PWWP2A: variants seen among roughly 807,000 people sequenced by gnomAD.
PWWP2A encodes the protein PWWP domain-containing protein 2A.
Under a neutral mutation model 48.5 loss-of-function variants are expected in PWWP2A, and 18 were observed. That is an observed-to-expected ratio of 0.37 (90% CI 0.26 to 0.55). The LOEUF (loss-of-function observed/expected upper bound fraction) is 0.55. Ranked by LOEUF, PWWP2A falls within the 20% of genes least tolerant of loss-of-function variation. The pLI, the probability that PWWP2A is intolerant of heterozygous loss-of-function variation, is 0.81. For missense variants in PWWP2A, 867 were observed against 976.4 expected (o/e 0.89, Z 1.49); for synonymous variants, 396 against 387.7 (o/e 1.02, Z -0.25).
intron 3 of PWWP2A, among the ~76,000 whole-genome samples, chr5:160,080,488 A>G (rs1183694267): frequency 6.6e-6 from 1 of 152,212 alleles, no homozygotes; most frequent in African/African-American, 2.4e-5. Flanking sequence ...TTCATTCATT[A>G]AAACTATCAC....
At position 160,078,676 on chromosome 5, in the gene PWWP2A, T is replaced by A. The variant is rs183176485; in HGVS notation, c.1670-508A>T. Among the ~76,000 whole-genome samples the A allele has an allele frequency of 6.6e-6, 1 of 152,256 alleles. No homozygotes were observed. Among genetic ancestry groups the A allele is most frequent in the East Asian group, 1.9e-4 (1 of 5,182 alleles). On this transcript the variant is annotated intron_variant, in intron 3 of 3. Transcript: ENST00000456329. The surrounding 1 kb of genome is among the most constrained non-coding windows in gnomAD (Gnocchi z 4.2). ...TCAGCAGCAGGTCACACTGTCCACA[T>A]ACTTGCAAAGAGCAAAATAAGAAGG...
chr5:160,096,084 G>A (rs1020322048), intron 1 of PWWP2A, among the ~76,000 whole-genome samples: 8 of 152,060 alleles, frequency 5.3e-5, no homozygotes, highest in Non-Finnish European at 1.0e-4. Context: ...CCTAAACGTG[G>A]GCAGGATTTA....
chr5:160,045,794 G>A, the PWWP2A span, among the ~76,000 whole-genome samples: 5 of 151,876 alleles, frequency 3.3e-5, no homozygotes, highest in African/African-American at 4.8e-5. Context: ...CTAGGCTGGA[G>A]TGCAGTGGTG....
intron 4 of PWWP2A, chr5:160,065,227 G>T (rs1167486375): frequency 1.1e-5 from 11 of 998,826 alleles, no homozygotes; most frequent in Admixed American, 2.0e-5. Context: ...TATGATCAGG[G>T]TGAAATGTAC....
intron 1 of PWWP2A, among the ~76,000 whole-genome samples, chr5:160,102,356 C>T (rs1756402562): frequency 6.8e-6 from 1 of 146,346 alleles, no homozygotes; most frequent in Non-Finnish European, 1.5e-5. Context: ...ACAGATCATG[C>T]CACTGCACTC....
At chr5:160,103,830 T>A (rs892572612) in intron 1 of PWWP2A, among the ~76,000 whole-genome samples, 1 of 152,034 alleles carries the variant, frequency 6.6e-6, no homozygotes, top group Non-Finnish European at 1.5e-5. Context: ...AGTCTCTTAA[T>A]AAGAAGGCTG....
downstream of PWWP2A, among the ~76,000 whole-genome samples, chr5:160,086,663 C>T (rs144907869): frequency 2.6e-3 from 399 of 152,164 alleles, 3 homozygotes; most frequent in Middle Eastern, 0.01. Context: ...GAGGCCGAGG[C>T]GGGTGGATCA....
downstream of PWWP2A, chr5:160,090,636 T>TC: frequency 2.0e-6 from 2 of 985,120 alleles, no homozygotes; most frequent in South Asian, 9.4e-5. Context: ...TCGCAATCAG[T>TC]CAATAACCTT....
At chr5:160,057,373 G>A (rs895595194), downstream of PWWP2A, among the ~76,000 whole-genome samples, 1 of 151,750 alleles carries the variant, frequency 6.6e-6, no homozygotes, top group Admixed American at 6.6e-5. The surrounding 1 kb of genome is among the most constrained non-coding windows in gnomAD (Gnocchi z 4.4). Flanking sequence ...ATATAATACT[G>A]TAGTCTACTA....
At chr5:160,064,995 A>G in intron 4 of PWWP2A, 1 of 1,614,126 alleles carries the variant, frequency 6.2e-7, no homozygotes, top group Non-Finnish European at 8.5e-7. Context: ...GAAAATTTCC[A>G]GATCAAACAG....
At chr5:160,108,175 G>A (rs1450619294) in intron 1 of PWWP2A, among the ~76,000 whole-genome samples, 1 of 151,504 alleles carries the variant, frequency 6.6e-6, no homozygotes, top group Middle Eastern at 3.2e-3. Flanking sequence ...AGACAGAGCA[G>A]GGCTACCCCA....
chr5:160,045,520 A>ACACACT, the PWWP2A span, among the ~76,000 whole-genome samples: 54 of 54,900 alleles, frequency 9.8e-4, no homozygotes, highest in Non-Finnish European at 1.2e-3. Flanking sequence ...ACACATACAC[A>ACACACT]CTCTCTCTCT....
At chr5:160,090,183 T>C (rs1048486460), downstream of PWWP2A, 1 of 985,062 alleles carries the variant, frequency 1.0e-6, no homozygotes, top group East Asian at 1.1e-4. Flanking sequence ...TTTTTTTTCT[T>C]CTCTTTCCCC....
chr5:160,104,138 A>AAAAAAAAAAAAAAAC (rs1756613943), intron 1 of PWWP2A, among the ~76,000 whole-genome samples: 1 of 150,478 alleles, frequency 6.6e-6, no homozygotes, highest in African/African-American at 2.4e-5. Context: ...AAAAAAAAAA[A>AAAAAAAAAAAAAAAC]AAGAAATGAA....
chr5:160,071,175 CCT>C (rs752293996), downstream of PWWP2A, among the ~76,000 whole-genome samples: 36 of 152,090 alleles, frequency 2.4e-4, no homozygotes, highest in Non-Finnish European at 3.4e-4. Context: ...GGAATGAGAC[CCT>C]GTCTCAAAAA....
the PWWP2A span, among the ~76,000 whole-genome samples, chr5:160,047,318 CCTTG>C: frequency 6.6e-6 from 1 of 152,096 alleles, no homozygotes; most frequent in Non-Finnish European, 1.5e-5. Flanking sequence ...CCATCTGTCC[CCTTG>C]CTTAAGTTAA....
Position 160,119,299 on chromosome 5 carries a change from G to T in PWWP2A, c.90C>A (p.Ile30=), listed in dbSNP as rs947724719. ...AGEAEPEMEP[I]PGSEAGTDPL... is the part of the protein sequence containing the mutation. ...GGTCAGTGCCGGCCTCACTGCCGGGGATGGGCTCCATCTCCGGCTCGGCCT... is the reference window on the plus strand; with the variant it reads ...GGTCAGTGCCGGCCTCACTGCCGGGTATGGGCTCCATCTCCGGCTCGGCCT... Residue 30 remains isoleucine (I), a synonymous_variant, in exon 1 of 2, where the codon ATC becomes ATA. Coordinates refer to ENST00000307063, the MANE Select transcript of PWWP2A (RefSeq NM_001130864.2). 3 of 1,384,018 alleles carry T rather than the reference G, an allele frequency of 2.2e-6. No individual in the cohort carries two copies. The African/African-American group carries it at 4.6e-5, about 21-fold the overall frequency. The allele number at this position is 1,384,018 out of a possible 1,614,324, so 85.7% of individuals were successfully genotyped here.
intron 1 of PWWP2A, among the ~76,000 whole-genome samples, chr5:160,114,906 C>T (rs191893924): frequency 5.3e-5 from 8 of 151,564 alleles, no homozygotes; most frequent in East Asian, 2.0e-4. Context: ...TCTGGGAGGC[C>T]GAGGCGGATC....
chr5:160,054,012 C>T, the PWWP2A span, among the ~76,000 whole-genome samples: 6 of 152,246 alleles, frequency 3.9e-5, no homozygotes, highest in African/African-American at 7.2e-5. Context: ...AGAAGATGAT[C>T]GTGATAGCAT....
Sources: allele counts gnomAD v4.1 joint callset (sites outside exome capture counted in the v4.1 genomes callset), GRCh38; gene constraint gnomAD v4.1.1; non-coding constraint Gnocchi (gnomAD v3.1); transcripts MANE v1.5; gene names NCBI Gene and HGNC (gene_info 2026-07-23, HGNC 2026-07-21).